NHEJ1: variants seen among roughly 807,000 people sequenced by gnomAD.
NHEJ1 encodes the protein non-homologous end-joining factor 1.
NHEJ1 carries 22 observed loss-of-function variants against 39.4 expected under a neutral mutation model. The ratio of observed to expected loss-of-function variants is 0.56; its 90% CI spans 0.40 to 0.80. The LOEUF is 0.80. Among genes scored for constraint, NHEJ1 ranks in the 30% least tolerant of loss-of-function variants. The pLI, the probability that NHEJ1 is intolerant of heterozygous loss-of-function variation, is 0.00. For missense variants in NHEJ1, 329 were observed against 357.1 expected (o/e 0.92, Z 0.63); for synonymous variants, 154 against 135.6 (o/e 1.14, Z -0.94).
chr2:219,117,013 C>T (rs887581282), intron 5 of NHEJ1, among the ~76,000 whole-genome samples: 1 of 152,084 alleles, frequency 6.6e-6, no homozygotes, highest in African/African-American at 2.4e-5. Flanking sequence ...AGAGGAGAGG[C>T]CTCTCTTCCC....
chr2:219,157,250 T>G (rs2106368809), intron 3 of NHEJ1, among the ~76,000 whole-genome samples: 1 of 152,342 alleles, frequency 6.6e-6, no homozygotes, highest in Middle Eastern at 3.4e-3. Context: ...TTTAAAATGC[T>G]GAATAAATTA....
At chr2:219,081,393 G>A (rs1215815888) in intron 5 of NHEJ1, among the ~76,000 whole-genome samples, 1 of 152,196 alleles carries the variant, frequency 6.6e-6, no homozygotes, top group Non-Finnish European at 1.5e-5. Flanking sequence ...GTGCGACTGA[G>A]CCAGGAGCAC....
intron 5 of NHEJ1, among the ~76,000 whole-genome samples, chr2:219,137,585 A>C (rs1235470700): frequency 5.7e-5 from 8 of 140,068 alleles, no homozygotes; most frequent in South Asian, 2.4e-4. Flanking sequence ...AAAAAAAAAA[A>C]AAAAAAACAA....
chr2:219,071,730 C>G lies in NHEJ1; in HGVS notation c.*4651G>C, dbSNP rs1383678011. Reference sequence around the variant, plus strand: ...ACAATCTTCCCAGGTGAGTCAATGGCTGTGTGCTCCCCACACCCTGGAGCT... The same window carrying G: ...ACAATCTTCCCAGGTGAGTCAATGGGTGTGTGCTCCCCACACCCTGGAGCT... On this transcript the variant is annotated 3_prime_UTR_variant, in exon 8 of 8. Coordinates refer to ENST00000356853, the MANE Select transcript of NHEJ1 (RefSeq NM_024782.3). 6.6e-6 allele frequency among the ~76,000 whole-genome samples: 1 copy of G among 152,198 alleles called. No individual in the cohort carries two copies. The highest frequency in any genetic ancestry group is 2.4e-5 in the African/African-American group (1 of 41,452).
At chr2:219,081,307 TGG>T (rs1192748700) in intron 5 of NHEJ1, among the ~76,000 whole-genome samples, 6 of 152,226 alleles carry the variant, frequency 3.9e-5, no homozygotes, top group Non-Finnish European at 8.8e-5. Context: ...AGTGGCTACC[TGG>T]GGCAGGCGGC....
chr2:219,148,165 A>G (rs1267005025), intron 3 of NHEJ1, among the ~76,000 whole-genome samples: 1 of 152,192 alleles, frequency 6.6e-6, no homozygotes, highest in Non-Finnish European at 1.5e-5. Context: ...AGGCTGAGGC[A>G]CAAGAATTGT....
intron 5 of NHEJ1, chr2:219,125,789 C>T (rs1000060614): frequency 2.0e-5 from 3 of 152,262 alleles, no homozygotes; most frequent in African/African-American, 7.2e-5. Flanking sequence ...TTGGGTGATA[C>T]CCAGCCCCCA....
chr2:219,079,513 G>A lies in NHEJ1; in HGVS notation c.589-1307C>T, dbSNP rs143826295. Among the ~76,000 whole-genome samples, 198 of 152,340 alleles carry A rather than the reference G, an allele frequency of 1.3e-3. 1 individual carries two copies. Among genetic ancestry groups the A allele is most frequent in the Non-Finnish European group, 2.4e-3 (166 of 68,034 alleles). ...AAAACCTTGTTGATTACCAGGAAAT[G>A]TCACATACATTTCTACTCCAACCCT... On this transcript the variant is annotated intron_variant, in intron 5 of 7. Coordinates refer to ENST00000356853, the MANE Select transcript of NHEJ1 (RefSeq NM_024782.3).
chr2:219,087,025 C>T (rs970177081), intron 5 of NHEJ1, among the ~76,000 whole-genome samples: 32 of 151,996 alleles, frequency 2.1e-4, no homozygotes, highest in African/African-American at 6.8e-4. Flanking sequence ...CTGGGGGGGA[C>T]GGATCCTCAG....
chr2:219,126,932 G>A (rs1319032475), intron 5 of NHEJ1, among the ~76,000 whole-genome samples: 1 of 152,240 alleles, frequency 6.6e-6, no homozygotes, highest in East Asian at 1.9e-4. Flanking sequence ...AGTTCACTGT[G>A]GCAGAAGTGT....
intron 5 of NHEJ1, among the ~76,000 whole-genome samples, chr2:219,121,197 ACT>A (rs372521012): frequency 6.7e-6 from 1 of 150,336 alleles, no homozygotes; most frequent in Non-Finnish European, 1.5e-5. Context: ...CAAGAGCAAA[ACT>A]CTGTCTAAAA....
chr2:219,155,789 G>A (rs1949848375), intron 3 of NHEJ1, among the ~76,000 whole-genome samples: 1 of 151,756 alleles, frequency 6.6e-6, no homozygotes, highest in African/African-American at 2.4e-5. Flanking sequence ...GCCGGGCGTG[G>A]TGGTGTGCGC....
chr2:219,137,086 A>AG (rs1269522499), intron 5 of NHEJ1, among the ~76,000 whole-genome samples: 4 of 151,712 alleles, frequency 2.6e-5, no homozygotes, highest in African/African-American at 7.2e-5. Flanking sequence ...AAAAAAAAAA[A>AG]AAGAAGTGGT....
rs1181134716 is a variant in NHEJ1, at chr2:219,075,771, C to T, written c.*610G>A. 6.5e-6 allele frequency: 1 copy of T among 153,038 alleles called. No homozygotes were observed. The highest frequency in any genetic ancestry group is 1.5e-5 in the Non-Finnish European group (1 of 68,640). The allele number at this position is 153,038 out of a possible 1,614,324, so 9.5% of individuals were successfully genotyped here. A position where few individuals can be genotyped will look rare whatever the true frequency, so the allele number is the denominator to read the frequency against. ...AGGAAAGCAGCAATCACCTATCTGT[C>T]TTGTGCCCACCATCAAGAGAGTTCT... On this transcript the variant is annotated 3_prime_UTR_variant, in exon 8 of 8. Transcript: ENST00000356853.
chr2:219,085,996 G>C (rs1949108436), intron 5 of NHEJ1, among the ~76,000 whole-genome samples: 1 of 152,148 alleles, frequency 6.6e-6, no homozygotes, highest in Admixed American at 6.5e-5. Flanking sequence ...TAGCTCTCTG[G>C]ACTGCAGGGT....
intron 5 of NHEJ1, among the ~76,000 whole-genome samples, chr2:219,116,282 T>G (rs1949415136): frequency 6.6e-6 from 1 of 152,236 alleles, no homozygotes; most frequent in Non-Finnish European, 1.5e-5. Flanking sequence ...TTGATTTCTT[T>G]TTTCTTTTTT....
At chr2:219,085,593 T>A (rs1949104599) in intron 5 of NHEJ1, among the ~76,000 whole-genome samples, 1 of 152,192 alleles carries the variant, frequency 6.6e-6, no homozygotes, top group Non-Finnish European at 1.5e-5. Flanking sequence ...CCATGCTCTA[T>A]GATTAGCCTC....
At chr2:219,098,848 C>T (rs565537844) in intron 5 of NHEJ1, among the ~76,000 whole-genome samples, 2 of 152,262 alleles carry the variant, frequency 1.3e-5, no homozygotes, top group East Asian at 3.9e-4. Flanking sequence ...TTATGTTTTG[C>T]TTTCTGACTA....
intron 6 of NHEJ1, 62 bp from the exon 7 acceptor site, chr2:219,077,426 T>C (rs1949024994): frequency 1.6e-6 from 2 of 1,252,800 alleles, no homozygotes; most frequent in Non-Finnish European, 2.3e-6. Context: ...AGGAAGATAT[T>C]AGCATTCACC....
Sources: gnomAD v4.1 joint callset for allele counts (sites outside exome capture counted in the v4.1 genomes callset) on GRCh38, gnomAD v4.1.1 for gene constraint, MANE v1.5 for transcripts, NCBI Gene and HGNC (gene_info 2026-07-23, HGNC 2026-07-21) for gene names.